Variants in CSMD3 observed in about 807,000 individuals in gnomAD.
CSMD3 encodes CUB and Sushi multiple domains 3.
In CSMD3, 177 loss-of-function variants were observed where a neutral mutation model predicts 435.2. That is an observed-to-expected ratio of 0.41 (90% confidence interval 0.36 to 0.46). CSMD3 has a LOEUF of 0.46. CSMD3 is among the 20% of genes least tolerant of loss of function. The probability of loss-of-function intolerance (pLI) is 0.34; values close to 1 mark genes in which losing one functional copy is unlikely to be tolerated. For missense variants in CSMD3, 4,265 were observed against 4,504.6 expected (o/e 0.95, Z 1.52); for synonymous variants, 1,656 against 1,520.5 (o/e 1.09, Z -2.07).
intron 23 of CSMD3, among the ~76,000 whole-genome samples, chr8:112,581,496 T>G (rs1441353647): frequency 6.6e-6 from 1 of 152,104 alleles, no homozygotes; most frequent in Non-Finnish European, 1.5e-5. Context: ...AACTATGTTT[T>G]ATAAAAATAT....
In CSMD3 at chr8:113,206,030, G is replaced by A. The variant is rs2092767261; in HGVS notation, c.515-32114C>T. On this transcript the variant is annotated intron_variant, in intron 3 of 70. Coordinates refer to ENST00000297405, the MANE Select transcript of CSMD3 (RefSeq NM_198123.2). ...CATTGGACCACAGCTAAGCTCCTTT[G>A]TTTATATGTTATCAACAGCTGTTTT... Among the ~76,000 whole-genome samples the A allele has an allele frequency of 3.9e-5, 6 of 151,912 alleles. No homozygotes were observed. The South Asian group carries it at 1.2e-3, about 32-fold the overall frequency.
chr8:112,816,700 A>G (rs1481868412), intron 12 of CSMD3, among the ~76,000 whole-genome samples: 1 of 152,080 alleles, frequency 6.6e-6, no homozygotes, highest in Admixed American at 6.6e-5. Context: ...CTGACAAAAT[A>G]TAGGGCTCAA....
intron 5 of CSMD3, among the ~76,000 whole-genome samples, chr8:113,086,368 G>A (rs1412881924): frequency 6.6e-6 from 1 of 151,910 alleles, no homozygotes; most frequent in East Asian, 1.9e-4. Flanking sequence ...TATAAACCAT[G>A]ACGTTTTGTA....
At chr8:113,351,545 TAAATA>T (rs1341216681) in intron 1 of CSMD3, among the ~76,000 whole-genome samples, 1 of 152,062 alleles carries the variant, frequency 6.6e-6, no homozygotes, top group African/African-American at 2.4e-5. Context: ...TTAAATATAT[TAAATA>T]AAATAAGATG....
At chr8:112,268,590 AT>A (rs1353298945) in intron 59 of CSMD3, among the ~76,000 whole-genome samples, 3 of 152,184 alleles carry the variant, frequency 2.0e-5, no homozygotes, top group African/African-American at 7.2e-5. Context: ...CATGCATAAC[AT>A]TTTTAATGGC....
chr8:112,686,643 G>T (rs1007967277), intron 14 of CSMD3, among the ~76,000 whole-genome samples: 1 of 151,690 alleles, frequency 6.6e-6, no homozygotes, highest in East Asian at 1.9e-4. Context: ...CGCCCACCAC[G>T]CCCAGCTAAT....
chr8:113,180,501 C>A (rs537091683), intron 3 of CSMD3, among the ~76,000 whole-genome samples: 12 of 151,930 alleles, frequency 7.9e-5, no homozygotes, highest in African/African-American at 1.7e-4. Flanking sequence ...TACTTCCTCA[C>A]CAGATTTTGA....
At chr8:113,222,653 C>T (rs928711026) in intron 3 of CSMD3, among the ~76,000 whole-genome samples, 1 of 150,974 alleles carries the variant, frequency 6.6e-6, no homozygotes, top group African/African-American at 2.4e-5. Flanking sequence ...TTATAAATCA[C>T]TAAATGTACT....
chr8:113,174,953 G>A (rs919482208), intron 3 of CSMD3, among the ~76,000 whole-genome samples: 1 of 151,684 alleles, frequency 6.6e-6, no homozygotes, highest in African/African-American at 2.4e-5. Context: ...AAGACTATAT[G>A]GGAACTACTG....
chr8:112,962,864 T>C (rs2130871315), intron 7 of CSMD3, among the ~76,000 whole-genome samples: 1 of 152,102 alleles, frequency 6.6e-6, no homozygotes, highest in Non-Finnish European at 1.5e-5. Flanking sequence ...ACATCCTTGC[T>C]ACACAAATTG....
intron 2 of CSMD3, chr8:113,312,260 T>C (rs2093875369): frequency 6.6e-6 from 1 of 152,122 alleles, no homozygotes; most frequent in African/African-American, 2.4e-5. Context: ...AAAATGATGA[T>C]GATAATAGTA....
intron 3 of CSMD3, among the ~76,000 whole-genome samples, chr8:113,216,383 T>C (rs894670687): frequency 5.3e-5 from 8 of 151,894 alleles, no homozygotes; most frequent in African/African-American, 1.9e-4. Context: ...GTAAGCAGAG[T>C]TCCATTCTAT....
intron 3 of CSMD3, among the ~76,000 whole-genome samples, chr8:113,269,495 T>A (rs1216385435): frequency 6.6e-6 from 1 of 152,074 alleles, no homozygotes; most frequent in Non-Finnish European, 1.5e-5. Flanking sequence ...AGAGCCCTCA[T>A]CACCAAGTCG....
At chr8:112,558,789 G>C (rs944572844) in intron 24 of CSMD3, among the ~76,000 whole-genome samples, 1 of 151,766 alleles carries the variant, frequency 6.6e-6, no homozygotes, top group Non-Finnish European at 1.5e-5. Flanking sequence ...TTAAAATTAA[G>C]ACAAAATATG....
intron 1 of CSMD3, among the ~76,000 whole-genome samples, chr8:113,423,374 G>A (rs1466314694): frequency 6.6e-6 from 1 of 151,916 alleles, no homozygotes; most frequent in Non-Finnish European, 1.5e-5. Context: ...TCTCTTTTGT[G>A]CTAACAGTAA....
intron 3 of CSMD3, among the ~76,000 whole-genome samples, chr8:113,199,478 G>C (rs1302296242): frequency 4.0e-5 from 6 of 151,554 alleles, no homozygotes; most frequent in African/African-American, 1.2e-4. Context: ...ATCTGGGTGG[G>C]ATAATATTAT....
At chr8:112,799,872 C>G (rs2078920251) in intron 13 of CSMD3, among the ~76,000 whole-genome samples, 1 of 151,876 alleles carries the variant, frequency 6.6e-6, no homozygotes, top group Middle Eastern at 3.4e-3. Context: ...AATCACATGT[C>G]TATTTTGGGG....
chr8:113,333,350 C>G (rs976950576), intron 1 of CSMD3, among the ~76,000 whole-genome samples: 2 of 151,628 alleles, frequency 1.3e-5, no homozygotes, highest in Non-Finnish European at 3.0e-5. Flanking sequence ...AATTATTGTT[C>G]ACCTATTCTT....
chr8:112,901,718 G>T (rs941258205), intron 10 of CSMD3, among the ~76,000 whole-genome samples: 1 of 151,266 alleles, frequency 6.6e-6, no homozygotes, highest in South Asian at 2.1e-4. Context: ...GGAGACCAAA[G>T]ACCATTCTCA....
Sources: gnomAD v4.1 joint callset for allele counts (sites outside exome capture counted in the v4.1 genomes callset) on GRCh38, gnomAD v4.1.1 for gene constraint, MANE v1.5 for transcripts, NCBI Gene and HGNC (gene_info 2026-07-23, HGNC 2026-07-21) for gene names.